Variants in GML observed in about 807,000 individuals in gnomAD.
GML encodes the protein glycosylphosphatidylinositol anchored molecule like.
Under a neutral mutation model 8.2 loss-of-function variants are expected in GML, and 5 were observed. That is an observed-to-expected ratio of 0.61 (90% CI 0.32 to 1.28). GML has a LOEUF of 1.28. GML is among the 50% of genes most tolerant of loss of function. GML has a pLI of 0.06. For missense variants in GML, 191 were observed against 198.3 expected, an observed-to-expected ratio of 0.96 and a Z score of 0.22; for synonymous variants, 72 against 69.0, an observed-to-expected ratio of 1.04 and a Z score of -0.22.
rs905407772 is a variant in GML at position 142,846,782 on chromosome 8, C to G, written c.*92C>G. The G allele has an allele frequency of 3.3e-6, 3 of 914,052 alleles. No homozygotes were observed. The East Asian group carries it at 7.3e-5, about 22-fold the overall frequency. The allele number at this position is 914,052 out of a possible 1,614,324, so 56.6% of individuals were successfully genotyped here. The stretch of plus-strand genomic sequence containing the variant: ...CCCTTCTAAGCCAGAGACCCTTATC[C>G]ACTGCTCCTCTAGGTGGCCCATTTA... On this transcript the variant is annotated 3_prime_UTR_variant, in exon 4 of 4. Coordinates refer to ENST00000220940, the MANE Select transcript of GML (RefSeq NM_002066.3).
rs1273449345 is a variant in GML at position 142,843,252 on chromosome 8, T to TCACACACACA, written c.181+2029_181+2030insCACACACACA. The stretch of plus-strand genomic sequence containing the variant: ...TAAAACTATTTTTAAAATAAAAGGT[T>TCACACACACA]CATACACACACACACACACACACAC... On this transcript the variant is annotated intron_variant, in intron 3 of 3. Coordinates refer to ENST00000220940, the MANE Select transcript of GML (RefSeq NM_002066.3). Among the ~76,000 whole-genome samples, 18 of 30,106 alleles carry TCACACACACA rather than the reference T, an allele frequency of 6.0e-4. No individual in the cohort carries two copies. The East Asian group carries it at 0.037, about 62-fold the overall frequency. The allele number at this position is 30,106 out of a possible 152,430, so 19.8% of individuals were successfully genotyped here.
chr8:142,846,685 C>T lies in GML; in HGVS notation c.472C>T (p.Pro158Ser), dbSNP rs1168833733. 6.2e-7 allele frequency: 1 copy of T among 1,610,192 alleles called. No homozygotes were observed. Among genetic ancestry groups the T allele is most frequent in the Non-Finnish European group, 8.5e-7 (1 of 1,176,714 alleles). Reference sequence around the variant, plus strand: ...CTCTATCATAGTCAGCAATATATTGCCATGAGGACCCCACCTTGGAGGGTC... The same window carrying T: ...CTCTATCATAGTCAGCAATATATTGTCATGAGGACCCCACCTTGGAGGGTC... ...FASIIVSNIL[P>S] Residue 158 changes from proline to serine, a missense_variant, in exon 4 of 4, where the codon CCA becomes TCA. Coordinates refer to ENST00000220940, the MANE Select transcript of GML (RefSeq NM_002066.3).
At chr8:142,843,991 T>G (rs1196531041) in intron 3 of GML, among the ~76,000 whole-genome samples, 1 of 152,226 alleles carries the variant, frequency 6.6e-6, no homozygotes, top group Non-Finnish European at 1.5e-5. Context: ...TGCCGAATGC[T>G]TTTTGAAAAT....
chr8:142,844,898 C>T (rs1269952463), intron 3 of GML, among the ~76,000 whole-genome samples: 1 of 152,210 alleles, frequency 6.6e-6, no homozygotes, highest in African/African-American at 2.4e-5. Flanking sequence ...GTATCAAACA[C>T]TGAGACTCAG....
At position 142,841,163 on chromosome 8, in the gene GML, TCAACTGTCC is replaced by T; in HGVS notation, c.124_132del (p.Cys42_Asn44del). On this transcript the variant is annotated inframe_deletion, in exon 3 of 4. Coordinates refer to ENST00000220940, the MANE Select transcript of GML (RefSeq NM_002066.3). ...CATGACTGTGCGGTCATAAATGACT[TCAACTGTCC>T]CAACATTAGAGTATGTCCGTATCAT... The T allele has an allele frequency of 6.3e-7, 1 of 1,593,412 alleles. No individual in the cohort carries two copies. Among genetic ancestry groups the T allele is most frequent in the East Asian group, 2.2e-5 (1 of 44,752 alleles).
intron 3 of GML, among the ~76,000 whole-genome samples, chr8:142,845,249 C>T (rs1360934014): frequency 6.6e-6 from 1 of 152,250 alleles, no homozygotes; most frequent in Non-Finnish European, 1.5e-5. Flanking sequence ...GAAGCCCATA[C>T]ATTTCCTGTC....
intron 3 of GML, among the ~76,000 whole-genome samples, chr8:142,843,446 T>C (rs1350071360): frequency 1.3e-5 from 2 of 152,182 alleles, no homozygotes; most frequent in Non-Finnish European, 2.9e-5. Context: ...CCAACACCCT[T>C]TCCAAATCTC....
Position 142,840,476 on chromosome 8 carries a change from A to G in GML, c.39A>G (p.Pro13=). ...LFALLLAMEL[P]LVAASATMRA... ...CCTTACTCCTAGCCATGGAGCTCCC[A>G]TTGGTGGCAGCCAGTGCCACCATGC... Residue 13 remains proline (P), a synonymous_variant, in exon 2 of 4, where the codon CCA becomes CCG. Coordinates refer to ENST00000220940, the MANE Select transcript of GML (RefSeq NM_002066.3). 6.2e-7 allele frequency: 1 copy of G among 1,613,670 alleles called. No homozygotes were observed. Among genetic ancestry groups the G allele is most frequent in the Non-Finnish European group, 8.5e-7 (1 of 1,179,530 alleles).
chr8:142,844,762 A>G lies in GML; in HGVS notation c.182-1633A>G, dbSNP rs374387760. On this transcript the variant is annotated intron_variant, in intron 3 of 3. Coordinates refer to ENST00000220940, the MANE Select transcript of GML (RefSeq NM_002066.3). ...CCACAACACAATAACACCACAGGAA[A>G]TGACTCAGTATCCTAAAGTGATCAT... Among the ~76,000 whole-genome samples, 4 of 152,356 alleles carry G rather than the reference A, an allele frequency of 2.6e-5. No homozygotes were observed. In the East Asian group the frequency reaches 5.8e-4, roughly 22 times the overall value.
chr8:142,841,343 T>C (rs949244092), intron 3 of GML, 118 bp downstream of exon 3: 5 of 675,916 alleles, frequency 7.4e-6, no homozygotes, highest in African/African-American at 7.1e-5. Flanking sequence ...CCTTCCCTCA[T>C]GTCCTCCCAT....
At position 142,846,421 on chromosome 8, in the gene GML, T is replaced by G. The variant is rs527963435; in HGVS notation, c.208T>G (p.Tyr70Asp). The change falls in exon 4 of 4, where the codon TAT becomes GAT. Residue 70 changes from tyrosine to aspartate, a missense_variant. Transcript: ENST00000220940. ...IRINSRELLVYKNCTNNCTFV... is the reference protein window; with the variant it reads ...IRINSRELLVDKNCTNNCTFV... ...CATAAATTCTCGTGAACTACTTGTT[T>G]ATAAGAACTGTACAAACAACTGCAC... The G allele has an allele frequency of 3.1e-6, 5 of 1,607,268 alleles. No individual in the cohort carries two copies. The highest frequency in any genetic ancestry group is 2.2e-5 in the East Asian group (1 of 44,834).
At chr8:142,840,122 T>C (rs1816405798) in intron 1 of GML, among the ~76,000 whole-genome samples, 1 of 152,140 alleles carries the variant, frequency 6.6e-6, no homozygotes, top group Non-Finnish European at 1.5e-5. Context: ...AGAAACATAT[T>C]TCGGAGCGTG....
At position 142,844,524 on chromosome 8, in the gene GML, G is replaced by A. The variant is rs371487729; in HGVS notation, c.182-1871G>A. Among the ~76,000 whole-genome samples, 6 of 152,258 alleles carry A rather than the reference G, an allele frequency of 3.9e-5. No homozygotes were observed. In the East Asian group the frequency reaches 7.7e-4, roughly 20 times the overall value. On this transcript the variant is annotated intron_variant, in intron 3 of 3. Coordinates refer to ENST00000220940, the MANE Select transcript of GML (RefSeq NM_002066.3). ...GTGAAATAGTATAACCGCAAGCCAC[G>A]GATGAGGAGAAAGCATTTCAAAACA...
rs139347831 is a variant in GML, at chr8:142,841,220, C to T, written c.176C>T (p.Ser59Phe). 139 of 1,426,500 alleles carry T rather than the reference C, an allele frequency of 9.7e-5. No homozygotes were observed. The highest frequency in any genetic ancestry group is 1.3e-4 in the Non-Finnish European group (133 of 1,010,168). 88.4% of individuals were successfully genotyped at this position (1,426,500 alleles called of 1,614,324 possible). Residue 59 changes from serine (S) to phenylalanine (F), a missense_variant, in exon 3 of 4, where the codon TCC becomes TTC. By Grantham distance (155) the Ser-to-Phe change is radical (BLOSUM62 -2). Coordinates refer to ENST00000220940, the MANE Select transcript of GML (RefSeq NM_002066.3). The stretch of plus-strand genomic sequence containing the variant: ...CATATTAGGCGCTGTATGACAATCT[C>T]CATTCGTAAGTACCTCTTTGTCATT... ...PYHIRRCMTI[S>F]IRINSRELLV... is the part of the protein sequence containing the mutation.
chr8:142,844,340 C>G (rs900697017), intron 3 of GML, among the ~76,000 whole-genome samples: 44 of 151,686 alleles, frequency 2.9e-4, no homozygotes, highest in African/African-American at 9.7e-4. Flanking sequence ...AAATATTAAA[C>G]CAATAAAGTT....
At chr8:142,835,530 C>G (rs1399010758) in intron 1 of GML, among the ~76,000 whole-genome samples, 1 of 152,208 alleles carries the variant, frequency 6.6e-6, no homozygotes, top group African/African-American at 2.4e-5. Flanking sequence ...TAATGGAGCC[C>G]TGCTTTTCCT....
At chr8:142,838,960 G>C (rs1816384590) in intron 1 of GML, among the ~76,000 whole-genome samples, 1 of 152,190 alleles carries the variant, frequency 6.6e-6, no homozygotes, top group Non-Finnish European at 1.5e-5. Context: ...GAACACACTT[G>C]ATGGGAGTTT....
chr8:142,837,230 G>A (rs1438549098), intron 1 of GML, among the ~76,000 whole-genome samples: 1 of 152,026 alleles, frequency 6.6e-6, no homozygotes, highest in South Asian at 2.1e-4. Context: ...GGAGGTGGAG[G>A]TTGTAGTGAG....
chr8:142,841,771 A>C (rs937810239), intron 3 of GML, among the ~76,000 whole-genome samples: 1 of 152,136 alleles, frequency 6.6e-6, no homozygotes, highest in Non-Finnish European at 1.5e-5. Context: ...TAACCTGCAG[A>C]AGATGTATGG....
Sources: gnomAD v4.1 joint callset for allele counts (sites outside exome capture counted in the v4.1 genomes callset) on GRCh38, gnomAD v4.1.1 for gene constraint, MANE v1.5 for transcripts, NCBI Gene and HGNC (gene_info 2026-07-23, HGNC 2026-07-21) for gene names.